SEC16A: variants seen among roughly 807,000 people sequenced by gnomAD.
SEC16A encodes SEC16 homolog A, endoplasmic reticulum export factor, also known as protein transport protein Sec16A.
Under a neutral mutation model 221.9 loss-of-function variants are expected in SEC16A, and 110 were observed. The ratio of observed to expected loss-of-function variants is 0.50; its 90% CI spans 0.42 to 0.58. SEC16A has a LOEUF of 0.58. SEC16A is among the 20% of genes least tolerant of loss of function. SEC16A has a pLI of 0.00. For synonymous variants in SEC16A, 1,393 were observed against 1,257.7 expected (o/e 1.11, Z -2.28); for missense variants, 3,165 against 3,097.8 (o/e 1.02, Z -0.52).
At chr9:136,453,402 C>T (rs1279728362) in intron 22 of SEC16A, 26 bp downstream of exon 22, 1 of 1,575,590 alleles carries the variant, frequency 6.3e-7, no homozygotes, top group African/African-American at 1.3e-5. Context: ...GGAAAACAAA[C>T]AGTTTAAGAA....
chr9:136,455,627 C>A lies in SEC16A; in HGVS notation c.5831G>T (p.Ser1944Ile). 1 of 1,581,318 alleles carries A rather than the reference C, an allele frequency of 6.3e-7. No individual in the cohort carries two copies. Among genetic ancestry groups the A allele is most frequent in the Non-Finnish European group, 8.6e-7 (1 of 1,165,442 alleles). The change falls in exon 20 of 32, where the codon AGC becomes ATC. Residue 1944 changes from serine (S) to isoleucine (I), a missense_variant. By Grantham distance (142) the Ser-to-Ile change is moderately radical (BLOSUM62 -2). This residue lies in a region of SEC16A where 1,088 missense variants were observed against 1,089.6 expected (regional missense o/e 1.00). Transcript: ENST00000684901. Reference protein sequence around the residue: ...AVPAPSPEHSSPSVRLLPSAP... With the variant: ...AVPAPSPEHSIPSVRLLPSAP... ...TGAGGGCAGCAGCCGCACGCTCGGG[C>A]TCGAGTGCTCAGGGCTCGGTGCAGG...
intron 28 of SEC16A, among the ~76,000 whole-genome samples, chr9:136,446,132 G>A (rs1341514558): frequency 3.4e-5 from 5 of 148,266 alleles, no homozygotes; most frequent in Non-Finnish European, 7.4e-5. Context: ...TTGAGATGGA[G>A]TCTGGCTCTG....
In SEC16A at chr9:136,447,844, A is replaced by T; in HGVS notation, c.6447+9T>A. 6.2e-7 allele frequency: 1 copy of T among 1,607,484 alleles called. No homozygotes were observed. On this transcript the variant is annotated intron_variant, in intron 25 of 31. Transcript: ENST00000684901. The surrounding 1 kb of genome is among the most constrained non-coding windows in gnomAD (Gnocchi z 5.5). Reference sequence around the variant, plus strand: ...CTCACACCCAACAGGAACTAGAATGACAATTTACCTCCTCTTCTGGCTCAT... The same window carrying T: ...CTCACACCCAACAGGAACTAGAATGTCAATTTACCTCCTCTTCTGGCTCAT...
In SEC16A at chr9:136,466,293, G is replaced by A. The variant is rs555976083; in HGVS notation, c.4099C>T (p.Arg1367Cys). 17 of 1,572,766 alleles carry A rather than the reference G, an allele frequency of 1.1e-5. No individual in the cohort carries two copies. Among genetic ancestry groups the A allele is most frequent in the Middle Eastern group, 1.7e-4 (1 of 6,016 alleles). ...LHSAHSLASRRSSLSSHSHQS... is the reference protein window; with the variant it reads ...LHSAHSLASRCSSLSSHSHQS... ...TGCGAGTGGGAGCTGAGGCTGCTGCGGCGGCTGGCCAGGCTGTGTGCGCTG... is the reference window on the plus strand; with the variant it reads ...TGCGAGTGGGAGCTGAGGCTGCTGCAGCGGCTGGCCAGGCTGTGTGCGCTG... The change falls in exon 7 of 32, where the codon CGC (arginine) becomes TGC (cysteine). Residue 1367 changes from arginine (R) to cysteine (C), a missense_variant. Physicochemically the swap from Arg to Cys is radical, Grantham distance 180. Coordinates refer to ENST00000684901, the MANE Select transcript of SEC16A (RefSeq NM_014866.2). The surrounding 1 kb of genome is among the most constrained non-coding windows in gnomAD (Gnocchi z 5.5).
In SEC16A at chr9:136,476,087, T is replaced by C. The variant is rs746520963; in HGVS notation, c.1529A>G (p.Asp510Gly). 2.5e-6 allele frequency: 4 copies of C among 1,613,466 alleles called. No homozygotes were observed. Among genetic ancestry groups the C allele is most frequent in the Non-Finnish European group, 3.4e-6 (4 of 1,179,878 alleles). Residue 510 changes from aspartate to glycine, a missense_variant, in exon 3 of 32, where the codon GAT becomes GGT. By Grantham distance (94) the Asp-to-Gly change is moderately conservative. This residue lies in a region of SEC16A where 2,030 missense variants were observed against 1,923.1 expected (regional missense o/e 1.06). Coordinates refer to ENST00000684901, the MANE Select transcript of SEC16A (RefSeq NM_014866.2). ...HGAVCHTGAP[D>G]ATLHTVHPDS... is the part of the protein sequence containing the mutation. ...AGGGTGCACTGTATGCAGTGTGGCA[T>C]CAGGGGCTCCGGTGTGGCACACAGC...
At chr9:136,445,569 AAAGG>A (rs2131793404) in intron 29 of SEC16A, 72 bp downstream of exon 29, 8 of 1,114,432 alleles carry the variant, frequency 7.2e-6, no homozygotes, top group Admixed American at 2.3e-5. Flanking sequence ...GCCCCTCCAT[AAAGG>A]AAGAGGCGCC....
chr9:136,477,466 C>T lies in SEC16A; in HGVS notation c.150G>A (p.Pro50=), dbSNP rs773161698. 8 of 1,613,858 alleles carry T rather than the reference C, an allele frequency of 5.0e-6. No individual in the cohort carries two copies. The highest frequency in any genetic ancestry group is 1.1e-5 in the South Asian group (1 of 91,086). The change falls in exon 3 of 32, where the codon CCG becomes CCA. Residue 50 remains proline (P), a synonymous_variant. Transcript: ENST00000684901. ...TACTAAAAGCAAATGGATCCGTGAC[C>T]GGCTGCAACGGGCAAGTTGTCGGAG... is the stretch of plus-strand genomic sequence containing the variant. ...AVAPTTCPLQ[P]VTDPFAFSRQ...
chr9:136,479,830 C>T (rs557032237), intron 1 of SEC16A, among the ~76,000 whole-genome samples: 20 of 151,694 alleles, frequency 1.3e-4, no homozygotes, highest in African/African-American at 3.6e-4. Flanking sequence ...CAACACACAG[C>T]GATACCCCAT....
rs1379699269 is a variant in SEC16A at position 136,459,644 on chromosome 9, C to T, written c.5192-89G>A. On this transcript the variant is annotated intron_variant, in intron 15 of 31. Transcript: ENST00000684901. The surrounding 1 kb of genome is among the most constrained non-coding windows in gnomAD (Gnocchi z 6.1). ...GGACGCGCACAGAAGGCACCAGAGA[C>T]GCCAGCCGGACCGAGAAGGCCGGGT... 10 of 1,362,780 alleles carry T rather than the reference C, an allele frequency of 7.3e-6. No individual in the cohort carries two copies. Among genetic ancestry groups the T allele is most frequent in the African/African-American group, 1.4e-5 (1 of 69,182 alleles). 84.4% of individuals were successfully genotyped at this position (1,362,780 alleles called of 1,614,324 possible).
chr9:136,471,811 C>G (rs1336727398), intron 4 of SEC16A, among the ~76,000 whole-genome samples, 164 bp downstream of exon 4: 2 of 152,218 alleles, frequency 1.3e-5, no homozygotes, highest in African/African-American at 2.4e-5. Context: ...AAAACACACC[C>G]TACAATTTGT....
In SEC16A at chr9:136,463,558, T is replaced by C. The variant is rs761621566; in HGVS notation, c.4552A>G (p.Lys1518Glu). The C allele has an allele frequency of 6.2e-6, 10 of 1,613,802 alleles. No homozygotes were observed. In the Admixed American group the frequency reaches 1.5e-4, roughly 24 times the overall value. ...KVDVINFAQN[K>E]AMKCLQNENL... ...TCATTCTGCAAACATTTCATAGCTT[T>C]GTTCTGTGCAAAATTAATGACATCC... Residue 1518 changes from lysine to glutamate, a missense_variant, in exon 11 of 32, where the codon AAA becomes GAA. Lys to Glu is a moderately conservative substitution (Grantham distance 56). Coordinates refer to ENST00000684901, the MANE Select transcript of SEC16A (RefSeq NM_014866.2).
chr9:136,483,452 C>A, upstream of SEC16A: 2 of 746,290 alleles, frequency 2.7e-6, no homozygotes, highest in Non-Finnish European at 3.2e-6. Context: ...CCCCGCCCCT[C>A]GGCCGTCCTT....
chr9:136,472,167 A>C, intron 3 of SEC16A, 56 bp from the exon 4 acceptor site: 2 of 1,602,230 alleles, frequency 1.2e-6, no homozygotes, highest in Non-Finnish European at 1.7e-6. Context: ...AAGCTCGTCC[A>C]ACAGCCAGCC....
At position 136,448,093 on chromosome 9, in the gene SEC16A, C is replaced by T; in HGVS notation, c.6381G>A (p.Lys2127=). 2 of 1,612,786 alleles carry T rather than the reference C, an allele frequency of 1.2e-6. No homozygotes were observed. The highest frequency in any genetic ancestry group is 1.7e-6 in the Non-Finnish European group (2 of 1,179,232). The change falls in exon 24 of 32, where the codon AAG becomes AAA. Residue 2127 remains lysine (K), a synonymous_variant. Transcript: ENST00000684901. ...KKTEAYLPDD[K]NKSIVWDEKK... is the part of the protein sequence containing the mutation. ...ATTTGACAGCACTCACCGATTTGTT[C>T]TTGTCATCTGGCAAATAAGCTTCTG...
chr9:136,447,749 GA>G lies in SEC16A; in HGVS notation c.6448-70del, dbSNP rs1588878032. 1.0e-5 allele frequency: 16 copies of G among 1,550,842 alleles called. No individual in the cohort carries two copies. Among genetic ancestry groups the G allele is most frequent in the South Asian group, 8.0e-5 (7 of 87,716 alleles). On this transcript the variant is annotated intron_variant, in intron 25 of 31. Transcript: ENST00000684901. The surrounding 1 kb of genome is among the most constrained non-coding windows in gnomAD (Gnocchi z 5.5). ...AAACCCACTGGGATGGCACAGTCAGGAGGCTCCAAAAGGGGCAACAGCCACC... is the reference window on the plus strand; with the variant it reads ...AAACCCACTGGGATGGCACAGTCAGGGGCTCCAAAAGGGGCAACAGCCACC...
chr9:136,463,750 G>T lies in SEC16A; in HGVS notation c.4447-10C>A, dbSNP rs1391415612. On this transcript the variant is annotated splice_polypyrimidine_tract_variant and intron_variant, in intron 9 of 31. Transcript: ENST00000684901. ...TGTGCTGCAGCAAGGCCTACGAGGA[G>T]AGGGCCGTGGGTCAGTGGCAGCCAG... 6.2e-7 allele frequency: 1 copy of T among 1,611,248 alleles called. No individual in the cohort carries two copies. Among genetic ancestry groups the T allele is most frequent in the Non-Finnish European group, 8.5e-7 (1 of 1,179,728 alleles).
rs35292575 is a variant in SEC16A at position 136,447,631 on chromosome 9, G to A, written c.6497C>T (p.Ala2166Val). 2.6e-5 allele frequency: 42 copies of A among 1,613,832 alleles called. 1 individual carries two copies. The South Asian group carries it at 4.5e-4, about 17-fold the overall frequency. The change falls in exon 26 of 32, where the codon GCT (alanine) becomes GTT (valine). Residue 2166 changes from alanine to valine, a missense_variant. By Grantham distance (64) the Ala-to-Val change is moderately conservative. Around this residue, in one of 3 missense-constraint regions of SEC16A, gnomAD observed 1,088 missense variants for 1,089.6 expected, o/e 1.00. Transcript: ENST00000684901. The surrounding 1 kb of genome is among the most constrained non-coding windows in gnomAD (Gnocchi z 5.5). ...AGGCCCTGGGAGGGCAGGCGGGGCA[G>A]CTTGCACAGTCTTGGGCATCGAGGT... ...PPTSMPKTVQ[A>V]APPALPGPPG... is the part of the protein sequence containing the mutation.
chr9:136,481,974 A>G (rs4379550), intron 1 of SEC16A, among the ~76,000 whole-genome samples: 57,838 of 152,030 alleles, frequency 0.38, 11,460 homozygotes, highest in Admixed American at 0.5. Context: ...CTCTTGCTGG[A>G]TTTGGCAAAA....
rs971281437 is a variant in SEC16A at position 136,448,780 on chromosome 9, G to A, written c.6313-619C>T. The A allele has an allele frequency of 1.1e-5, 8 of 713,380 alleles. No individual in the cohort carries two copies. In the East Asian group the frequency reaches 2.2e-4, roughly 19 times the overall value. The allele number at this position is 713,380 out of a possible 1,614,324, so 44.2% of individuals were successfully genotyped here. A position where few individuals can be genotyped will look rare whatever the true frequency, so the allele number is the denominator to read the frequency against. Reference sequence around the variant, plus strand: ...AGATCCACAGAGACACCAGGAGGATGGAGGTGGGGAGCAGATCCACAGAGA... The same window carrying A: ...AGATCCACAGAGACACCAGGAGGATAGAGGTGGGGAGCAGATCCACAGAGA... On this transcript the variant is annotated intron_variant, in intron 23 of 31. Transcript: ENST00000684901.
Sources: allele counts gnomAD v4.1 joint callset (sites outside exome capture counted in the v4.1 genomes callset), GRCh38; gene constraint gnomAD v4.1.1; regional missense constraint gnomAD v4.1.1; non-coding constraint Gnocchi (gnomAD v3.1); transcripts MANE v1.5; gene names NCBI Gene and HGNC (gene_info 2026-07-23, HGNC 2026-07-21).